Variants in PRPF38B observed in about 807,000 individuals in gnomAD.
The protein encoded by PRPF38B is pre-mRNA-splicing factor 38B.
PRPF38B carries 18 observed loss-of-function variants against 67.2 expected under a neutral mutation model. That is an observed-to-expected ratio of 0.27 (90% CI 0.19 to 0.40). The LOEUF (loss-of-function observed/expected upper bound fraction) is 0.40, where lower values mean the gene tolerates loss of function less well. Among genes scored for constraint, PRPF38B ranks in the 10% least tolerant of loss-of-function variants. PRPF38B has a pLI of 1.00. For missense variants in PRPF38B, 544 were observed against 684.9 expected (o/e 0.79, Z 2.30); for synonymous variants, 246 against 234.2 (o/e 1.05, Z -0.46).
chr1:108,699,110 A>C, intron 5 of PRPF38B, 52 bp from the exon 6 acceptor site: 2 of 1,536,094 alleles, frequency 1.3e-6, no homozygotes, highest in South Asian at 2.6e-5. Flanking sequence ...TGTGAAAAGA[A>C]TTGCATATGT....
chr1:108,699,347 G>C lies in PRPF38B; in HGVS notation c.968G>C (p.Arg323Pro). 4 of 1,614,154 alleles carry C rather than the reference G, an allele frequency of 2.5e-6. No individual in the cohort carries two copies. The highest frequency in any genetic ancestry group is 3.4e-6 in the Non-Finnish European group (4 of 1,180,026). ...KERRRSRSID[R>P]GLERRRSRSR... ...CGGCGAAGATCCCGAAGTATTGACC[G>C]GGGGTTAGAACGCAGGCGCAGCAGA... The change falls in exon 6 of 6, where the codon CGG (arginine) becomes CCG (proline). Residue 323 changes from arginine to proline, a missense_variant. Transcript: ENST00000370025.
Position 108,702,552 on chromosome 1 carries a change from G to A in PRPF38B, c.*2532G>A, listed in dbSNP as rs1015855731. Among the ~76,000 whole-genome samples, 48 of 152,216 alleles carry A rather than the reference G, an allele frequency of 3.2e-4. No individual in the cohort carries two copies. Among genetic ancestry groups the A allele is most frequent in the Non-Finnish European group, 5.7e-4 (39 of 68,022 alleles). On this transcript the variant is annotated 3_prime_UTR_variant, in exon 6 of 6. Transcript: ENST00000370025. Reference sequence around the variant, plus strand: ...GGAGAGTGGCTTCCTAAGAAACTGGGAAAACAAGTGGCTATGAAAGACATC... The same window carrying A: ...GGAGAGTGGCTTCCTAAGAAACTGGAAAAACAAGTGGCTATGAAAGACATC...
intron 4 of PRPF38B, chr1:108,696,699 G>A (rs1401459231): frequency 1.4e-6 from 1 of 715,674 alleles, no homozygotes; most frequent in Non-Finnish European, 2.6e-6. Context: ...TATGCACATA[G>A]AATACTAATT....
intron 1 of PRPF38B, chr1:108,693,567 C>A: frequency 1.0e-6 from 1 of 981,058 alleles, no homozygotes; most frequent in Non-Finnish European, 1.2e-6. Flanking sequence ...GCACTCTTGT[C>A]TCAGTTCTTG....
chr1:108,697,452 A>G (rs192638216), intron 4 of PRPF38B: 3 of 152,106 alleles, frequency 2.0e-5, no homozygotes, highest in Admixed American at 2.0e-4. Context: ...GGATGGTTCT[A>G]ATGGAAATCT....
At chr1:108,696,631 T>C in intron 4 of PRPF38B, 4 of 677,720 alleles carry the variant, frequency 5.9e-6, no homozygotes, top group Middle Eastern at 3.7e-4. Context: ...CTGAATTGTA[T>C]AGTTAATAGT....
At chr1:108,696,907 A>G (rs1195230216) in intron 4 of PRPF38B, 1 of 534,292 alleles carries the variant, frequency 1.9e-6, no homozygotes, top group African/African-American at 2.0e-5. Context: ...ACACACCTTT[A>G]AAAAAGAAAT....
In PRPF38B at chr1:108,695,848, C is replaced by G. The variant is rs1354061538; in HGVS notation, c.345+78C>G. 1.2e-5 allele frequency: 18 copies of G among 1,482,392 alleles called. No individual in the cohort carries two copies. In the Admixed American group the frequency reaches 3.6e-4, roughly 30 times the overall value. The allele number at this position is 1,482,392 out of a possible 1,614,324, so 91.8% of individuals were successfully genotyped here. ...TATATTTAGAGAACTAGAGGCCTGT[C>G]AATTATACACTTGAGTGACAATTTT... On this transcript the variant is annotated intron_variant, in intron 2 of 5. Transcript: ENST00000370025.
Position 108,701,973 on chromosome 1 carries a change from T to C in PRPF38B, c.*1953T>C, listed in dbSNP as rs1222911621. Among the ~76,000 whole-genome samples the C allele has an allele frequency of 6.6e-6, 1 of 151,700 alleles. No homozygotes were observed. Among genetic ancestry groups the C allele is most frequent in the African/African-American group, 2.4e-5 (1 of 40,958 alleles). The stretch of plus-strand genomic sequence containing the variant: ...TTTTAGCATACCTAAATTATGGAGC[T>C]ACTACTTTGGATATGGTTCCATGTG... On this transcript the variant is annotated 3_prime_UTR_variant, in exon 6 of 6. Coordinates refer to ENST00000370025, the MANE Select transcript of PRPF38B (RefSeq NM_018061.4).
At chr1:108,693,711 T>C in intron 1 of PRPF38B, 1 of 891,108 alleles carries the variant, frequency 1.1e-6, no homozygotes, top group Non-Finnish European at 1.3e-6. Flanking sequence ...ACTAATTAGA[T>C]TTTTGTGGGT....
chr1:108,697,077 C>CA (rs899052128), intron 4 of PRPF38B: 31 of 260,732 alleles, frequency 1.2e-4, no homozygotes, highest in Admixed American at 1.6e-4. Flanking sequence ...CTCATCTCTA[C>CA]AAAAAAAAGT....
At position 108,700,241 on chromosome 1, in the gene PRPF38B, T is replaced by A. The variant is rs1226673225; in HGVS notation, c.*221T>A. On this transcript the variant is annotated 3_prime_UTR_variant, in exon 6 of 6. Coordinates refer to ENST00000370025, the MANE Select transcript of PRPF38B (RefSeq NM_018061.4). ...TTGATACATGATGCACAGATTGTTC[T>A]TGCATTTTTATTGTTTGTTTTTGAA... 6 of 722,690 alleles carry A rather than the reference T, an allele frequency of 8.3e-6. No individual in the cohort carries two copies. In the East Asian group the frequency reaches 1.7e-4, roughly 20 times the overall value. 44.8% of individuals were successfully genotyped at this position (722,690 alleles called of 1,614,324 possible).
chr1:108,697,775 C>G (rs1459231859), intron 4 of PRPF38B: 1 of 152,114 alleles, frequency 6.6e-6, no homozygotes, highest in African/African-American at 2.4e-5. Flanking sequence ...ATCTGAGGTC[C>G]TCTATTTAAG....
At chr1:108,698,547 C>G (rs888659412) in intron 4 of PRPF38B, 57 bp from the exon 5 acceptor site, 1 of 1,183,570 alleles carries the variant, frequency 8.4e-7, no homozygotes, top group Admixed American at 2.2e-5. Flanking sequence ...TTATAATATT[C>G]ATGTATATAT....
chr1:108,698,476 A>G (rs1411149645), intron 4 of PRPF38B, 128 bp from the exon 5 acceptor site: 4 of 722,924 alleles, frequency 5.5e-6, no homozygotes, highest in Non-Finnish European at 9.0e-6. Context: ...AGATCAGGAT[A>G]TGAAAATAAA....
intron 1 of PRPF38B, chr1:108,693,513 G>C: frequency 1.4e-6 from 1 of 702,818 alleles, no homozygotes; most frequent in Non-Finnish European, 1.7e-6. Flanking sequence ...CAGGGTCGGT[G>C]CTGGCTTGGC....
chr1:108,700,698 T>TA lies in PRPF38B; in HGVS notation c.*679dup, dbSNP rs1660396461. The TA allele has an allele frequency of 1.3e-5, 2 of 152,674 alleles. No individual in the cohort carries two copies. The highest frequency in any genetic ancestry group is 2.9e-5 in the Non-Finnish European group (2 of 68,030). 9.5% of individuals were successfully genotyped at this position (152,674 alleles called of 1,614,324 possible). ...TAGCATTCTACCTCAAAGGGACACT[T>TA]AGTATGCCTAAAATTTATTCACTTA... On this transcript the variant is annotated 3_prime_UTR_variant, in exon 6 of 6. Transcript: ENST00000370025.
In PRPF38B at chr1:108,695,503, A is replaced by G. The variant is rs576041918; in HGVS notation, c.277-199A>G. Among the ~76,000 whole-genome samples, 237 of 152,340 alleles carry G rather than the reference A, an allele frequency of 1.6e-3. 9 individuals carry two copies. The South Asian group carries it at 0.044, about 28-fold the overall frequency. ...AGCTATTAAGGTTTTGTTAAACCCTAGTAGCTTTATGGGTGCTGTCTAAAT... is the reference window on the plus strand; with the variant it reads ...AGCTATTAAGGTTTTGTTAAACCCTGGTAGCTTTATGGGTGCTGTCTAAAT... On this transcript the variant is annotated intron_variant, in intron 1 of 5. Coordinates refer to ENST00000370025, the MANE Select transcript of PRPF38B (RefSeq NM_018061.4).
Position 108,701,879 on chromosome 1 carries a change from A to T in PRPF38B, c.*1859A>T, listed in dbSNP as rs2101063292. 6.6e-6 allele frequency: 1 copy of T among 152,332 alleles called. No individual in the cohort carries two copies. The highest frequency in any genetic ancestry group is 6.5e-5 in the Admixed American group (1 of 15,308). 9.4% of individuals were successfully genotyped at this position (152,332 alleles called of 1,614,324 possible). A position where few individuals can be genotyped will look rare whatever the true frequency, so the allele number is the denominator to read the frequency against. ...CATCAAGTGAATTAGTGCTATAGACACCCAGAAGTTAGAAAAACCTATTGT... is the reference window on the plus strand; with the variant it reads ...CATCAAGTGAATTAGTGCTATAGACTCCCAGAAGTTAGAAAAACCTATTGT... On this transcript the variant is annotated 3_prime_UTR_variant, in exon 6 of 6. Coordinates refer to ENST00000370025, the MANE Select transcript of PRPF38B (RefSeq NM_018061.4).
Sources: allele counts gnomAD v4.1 joint callset (sites outside exome capture counted in the v4.1 genomes callset), GRCh38; gene constraint gnomAD v4.1.1; transcripts MANE v1.5; gene names NCBI Gene and HGNC (gene_info 2026-07-23, HGNC 2026-07-21).